BCAS3: variants seen among roughly 807,000 people sequenced by gnomAD.
BCAS3 encodes BCAS4/BCAS3 fusion.
In BCAS3, 53 loss-of-function variants were observed where a neutral mutation model predicts 116.1. That is an observed-to-expected ratio of 0.46 (90% CI 0.37 to 0.57). BCAS3 has a LOEUF of 0.57. Among genes scored for constraint, BCAS3 ranks in the 20% least tolerant of loss-of-function variants. The pLI, the probability that BCAS3 is intolerant of heterozygous loss-of-function variation, is 0.00. For synonymous variants in BCAS3, 391 were observed against 408.2 expected, an observed-to-expected ratio of 0.96 and a Z score of 0.51; for missense variants, 917 against 1,165.4, an observed-to-expected ratio of 0.79 and a Z score of 3.10.
intron 10 of BCAS3, chr17:60,899,820 T>C: frequency 6.6e-6 from 1 of 151,536 alleles, no homozygotes; most frequent in Non-Finnish European, 1.5e-5. Context: ...TTTTAACACC[T>C]CAGTCCCAGT....
At chr17:60,735,576 C>T (rs1169374826) in intron 5 of BCAS3, among the ~76,000 whole-genome samples, 1 of 151,694 alleles carries the variant, frequency 6.6e-6, no homozygotes, top group African/African-American at 2.4e-5. Context: ...AACTCAGCCT[C>T]CTGAGTAGCT....
At chr17:61,045,865 A>ATAATATATATAAATATATATTATATATAT (rs757031336) in intron 19 of BCAS3, among the ~76,000 whole-genome samples, 1 of 3,962 alleles carries the variant, frequency 2.5e-4, no homozygotes, top group African/African-American at 8.8e-4. Flanking sequence ...ATATATATAT[A>ATAATATATATAAATATATATTATATATAT]AATATATATA....
chr17:61,001,699 T>C (rs1466448895), intron 15 of BCAS3, among the ~76,000 whole-genome samples: 1 of 152,198 alleles, frequency 6.6e-6, no homozygotes, highest in East Asian at 1.9e-4. Context: ...CCTGGATTTT[T>C]ATTGATTATG....
Position 61,290,843 on chromosome 17 carries a change from T to G in BCAS3, c.2426-77484T>G, listed in dbSNP as rs547002697. On this transcript the variant is annotated intron_variant, in intron 22 of 23. Transcript: ENST00000407086. ...TTGCCCAGGCTGGAGTGCAGTGGCG[T>G]GATCTCGGCTCACTGTGAGCTCCGC... Among the ~76,000 whole-genome samples, 309 of 152,206 alleles carry G rather than the reference T, an allele frequency of 2.0e-3. 5 individuals carry two copies. The highest frequency in any genetic ancestry group is 4.6e-3 in the East Asian group (24 of 5,180).
intron 22 of BCAS3, among the ~76,000 whole-genome samples, chr17:61,275,216 C>T (rs770076545): frequency 1.3e-5 from 2 of 152,064 alleles, no homozygotes; most frequent in South Asian, 2.1e-4. Flanking sequence ...AACATAAGAT[C>T]GATATGTAAA....
chr17:61,022,608 T>C (rs1380582842), intron 16 of BCAS3, among the ~76,000 whole-genome samples: 1 of 152,194 alleles, frequency 6.6e-6, no homozygotes, highest in Non-Finnish European at 1.5e-5. Flanking sequence ...ATTTATGTTA[T>C]GTTCATCTCT....
chr17:60,711,149 A>ATT (rs200247197), intron 5 of BCAS3, among the ~76,000 whole-genome samples: 6 of 141,896 alleles, frequency 4.2e-5, no homozygotes, highest in Non-Finnish European at 7.8e-5. Context: ...AAGATGTGGG[A>ATT]TTTTTTTTTT....
intron 22 of BCAS3, among the ~76,000 whole-genome samples, chr17:61,115,497 T>G (rs1446988512): frequency 7.2e-6 from 1 of 138,114 alleles, no homozygotes; most frequent in Admixed American, 7.4e-5. Context: ...AAAATGCTCA[T>G]CATCACTGGC....
At chr17:61,254,755 GAC>G (rs947890146) in intron 22 of BCAS3, among the ~76,000 whole-genome samples, 1 of 91,908 alleles carries the variant, frequency 1.1e-5, no homozygotes, top group Non-Finnish European at 2.0e-5. Flanking sequence ...CCAGCCTGGT[GAC>G]AGAGTGAGAC....
At chr17:60,827,011 A>G (rs1380658244) in intron 7 of BCAS3, among the ~76,000 whole-genome samples, 1 of 152,234 alleles carries the variant, frequency 6.6e-6, no homozygotes, top group Non-Finnish European at 1.5e-5. Context: ...CGTAAGGTTT[A>G]TACTCCATAA....
intron 15 of BCAS3, among the ~76,000 whole-genome samples, chr17:60,996,546 G>A (rs2063849743): frequency 6.6e-6 from 1 of 152,086 alleles, no homozygotes; most frequent in South Asian, 2.1e-4. Flanking sequence ...TTGGGATGGG[G>A]ACAGGATCAG....
chr17:60,775,524 A>T (rs2144447134), intron 6 of BCAS3, among the ~76,000 whole-genome samples: 1 of 147,428 alleles, frequency 6.8e-6, no homozygotes, highest in African/African-American at 2.7e-5. Flanking sequence ...TGTTGTTGTT[A>T]CTGTACTTTG....
At position 61,162,070 on chromosome 17, in the gene BCAS3, A is replaced by G. The variant is rs2078200457; in HGVS notation, c.2425+77506A>G. 6.6e-6 allele frequency among the ~76,000 whole-genome samples: 1 copy of G among 152,216 alleles called. No individual in the cohort carries two copies. Among genetic ancestry groups the G allele is most frequent in the Non-Finnish European group, 1.5e-5 (1 of 68,038 alleles). ...TGGTTGTAGATTTGGTTGATAGAAT[A>G]TAAAGTTTGATCTGTATGTGGATGG... On this transcript the variant is annotated intron_variant, in intron 22 of 23. Transcript: ENST00000407086. This position sits in a 1 kb window ranked among gnomAD's most constrained non-coding sequence, Gnocchi z 5.6.
Position 61,023,172 on chromosome 17 carries a change from CT to C in BCAS3, c.1637+7273del, listed in dbSNP as rs2065991740. On this transcript the variant is annotated intron_variant, in intron 16 of 23. Transcript: ENST00000407086. This position sits in a 1 kb window ranked among gnomAD's most constrained non-coding sequence, Gnocchi z 4.8. ...TATGCATGTGGGAAATGCAAGTTCA[CT>C]TCAGTTGTTGTTTTAACAGAGGGCA... Among the ~76,000 whole-genome samples, 1 of 152,152 alleles carries C rather than the reference CT, an allele frequency of 6.6e-6. No homozygotes were observed. Among genetic ancestry groups the C allele is most frequent in the Admixed American group, 6.5e-5 (1 of 15,268 alleles).
At chr17:60,965,733 G>A (rs531155821) in intron 14 of BCAS3, among the ~76,000 whole-genome samples, 5 of 152,264 alleles carry the variant, frequency 3.3e-5, no homozygotes, top group African/African-American at 1.2e-4. Context: ...TATTTTAAAA[G>A]TTTTGTTCAG....
chr17:60,889,208 G>GT (rs2056962960), intron 9 of BCAS3, among the ~76,000 whole-genome samples: 1 of 152,170 alleles, frequency 6.6e-6, no homozygotes, highest in African/African-American at 2.4e-5. Context: ...GACTTTCAGA[G>GT]TTACTTGTCT....
At chr17:60,985,141 CTTTT>C (rs560277871) in intron 14 of BCAS3, among the ~76,000 whole-genome samples, 25 of 120,358 alleles carry the variant, frequency 2.1e-4, no homozygotes, top group African/African-American at 5.4e-4. Flanking sequence ...CAACTGTATT[CTTTT>C]TTTTTTTTTT....
rs1406176746 is a variant in BCAS3, at chr17:61,074,964, T to TA, written c.2075dup (p.Tyr692Ter). ...TGGGCCCATTACTCGACATGGGTCT[T>TA]ACGACAGTTTAGCTTCTGACCATAG... ...SPGPITRHGSYDSLASDHSGQ... is the reference protein window; with the variant it reads ...SPGPITRHGS Residue 692 changes from tyrosine (Y) to a stop codon, truncating the protein, a stop_gained and frameshift_variant, in exon 20 of 24, where the codon TAC becomes TAAC. Coordinates refer to ENST00000407086, the MANE Select transcript of BCAS3 (RefSeq NM_017679.5). LOFTEE classifies it high-confidence loss of function. 1 of 1,613,842 alleles carries TA rather than the reference T, an allele frequency of 6.2e-7. No homozygotes were observed. The highest frequency in any genetic ancestry group is 1.7e-5 in the Admixed American group (1 of 60,022).
intron 22 of BCAS3, among the ~76,000 whole-genome samples, chr17:61,263,925 A>T (rs1284848726): frequency 6.6e-6 from 1 of 152,230 alleles, no homozygotes; most frequent in African/African-American, 2.4e-5. Context: ...AGGGTAGCAA[A>T]AATAAAAAAT....
Sources: allele counts gnomAD v4.1 joint callset (sites outside exome capture counted in the v4.1 genomes callset), GRCh38; gene constraint gnomAD v4.1.1; non-coding constraint Gnocchi (gnomAD v3.1); transcripts MANE v1.5; gene names NCBI Gene and HGNC (gene_info 2026-07-23, HGNC 2026-07-21).